The following ITGA3 variants were observed in gnomAD, a reference collection of about 807,000 sequenced individuals.
ITGA3 encodes the protein integrin subunit alpha 3, also known as integrin alpha-3.
ITGA3 carries 70 observed loss-of-function variants against 131.1 expected under a neutral mutation model. The observed-to-expected ratio is 0.53, with a 90% CI of 0.44 to 0.65. The LOEUF (loss-of-function observed/expected upper bound fraction) is 0.65. Among genes scored for constraint, ITGA3 ranks in the 30% least tolerant of loss-of-function variants. The pLI is 0.00. For synonymous variants in ITGA3, 537 were observed against 571.6 expected (o/e 0.94, Z 0.86); for missense variants, 1,098 against 1,388.6 (o/e 0.79, Z 3.33).
At chr17:50,068,399 T>C (rs1908436797) in intron 4 of ITGA3, 94 bp downstream of exon 4, 1 of 1,387,936 alleles carries the variant, frequency 7.2e-7, no homozygotes, top group Admixed American at 1.9e-5. Flanking sequence ...CCATCCACAC[T>C]AGAAACAGGA....
At chr17:50,084,596 G>T (rs933823972) in intron 23 of ITGA3, among the ~76,000 whole-genome samples, 2 of 151,980 alleles carry the variant, frequency 1.3e-5, no homozygotes, top group Non-Finnish European at 2.9e-5. Context: ...ACCAATTGAC[G>T]TGAAAAGATG....
intron 24 of ITGA3, 42 bp downstream of exon 24, chr17:50,087,911 C>A (rs1445172689): frequency 6.6e-7 from 1 of 1,515,486 alleles, no homozygotes; most frequent in Non-Finnish European, 8.9e-7. Context: ...CCTCCACCAG[C>A]ACACTCACCA....
chr17:50,081,942 G>A (rs2144310824), intron 23 of ITGA3, among the ~76,000 whole-genome samples: 1 of 152,312 alleles, frequency 6.6e-6, no homozygotes, highest in South Asian at 2.1e-4. Context: ...TGAGAACCTG[G>A]TGAGTATTGA....
At position 50,087,825 on chromosome 17, in the gene ITGA3, G is replaced by T. The variant is rs1033675412; in HGVS notation, c.3001G>T (p.Ala1001Ser). ...ELWLVLVAVG[A>S]GLLLLGLIIL... is the part of the protein sequence containing the mutation. The stretch of plus-strand genomic sequence containing the variant: ...GTGGCTGGTGCTGGTGGCCGTGGGT[G>T]CAGGGCTGCTGCTGCTGGGGCTGAT... The change falls in exon 24 of 26, where the codon GCA (alanine) becomes TCA (serine). Residue 1001 changes from alanine to serine, a missense_variant. Around this residue, in one of 3 missense-constraint regions of ITGA3, gnomAD observed 699 missense variants for 829.2 expected, o/e 0.84. Coordinates refer to ENST00000320031, the MANE Select transcript of ITGA3 (RefSeq NM_002204.4). 6.2e-7 allele frequency: 1 copy of T among 1,610,880 alleles called. No homozygotes were observed. Among genetic ancestry groups the T allele is most frequent in the Non-Finnish European group, 8.5e-7 (1 of 1,178,708 alleles).
In ITGA3 at chr17:50,079,574, A is replaced by G. The variant is rs1909090748; in HGVS notation, c.2706+17A>G. The stretch of plus-strand genomic sequence containing the variant: ...ACTGTGCTGGTGAGTGGCCAGGGCG[A>G]GGTTGGAGGGGATTGCATCCACCCC... On this transcript the variant is annotated intron_variant, in intron 21 of 25. Transcript: ENST00000320031. 6.6e-7 allele frequency: 1 copy of G among 1,509,318 alleles called. No homozygotes were observed. Among genetic ancestry groups the G allele is most frequent in the Non-Finnish European group, 8.9e-7 (1 of 1,128,776 alleles). The allele number at this position is 1,509,318 out of a possible 1,614,324, so 93.5% of individuals were successfully genotyped here.
intron 15 of ITGA3, 49 bp from the exon 16 acceptor site, chr17:50,077,330 C>A: frequency 6.5e-7 from 1 of 1,527,598 alleles, no homozygotes; most frequent in Non-Finnish European, 9.1e-7. Flanking sequence ...GGAGGGAGGA[C>A]AAGCCCTACT....
intron 14 of ITGA3, 146 bp from the exon 15 acceptor site, chr17:50,076,828 T>C (rs1356567076): frequency 1.7e-6 from 2 of 1,172,736 alleles, no homozygotes; most frequent in Admixed American, 3.9e-5. Flanking sequence ...AACGGGGCTT[T>C]CTCCTCCAGG....
intron 23 of ITGA3, 121 bp from the exon 24 acceptor site, chr17:50,087,623 C>A: frequency 8.6e-7 from 1 of 1,162,910 alleles, no homozygotes; most frequent in Non-Finnish European, 1.2e-6. Flanking sequence ...TTTCCAGTCC[C>A]AGGCTGCCCC....
chr17:50,081,060 C>G (rs1387319706), intron 22 of ITGA3: 1 of 495,336 alleles, frequency 2.0e-6, no homozygotes, highest in South Asian at 2.4e-5. Flanking sequence ...ACAGGCCTGA[C>G]CTAGACTGTG....
At chr17:50,085,134 A>C (rs1296474616) in intron 23 of ITGA3, among the ~76,000 whole-genome samples, 1 of 151,314 alleles carries the variant, frequency 6.6e-6, no homozygotes, top group Non-Finnish European at 1.5e-5. Context: ...CCCAGGACAC[A>C]GAGGTTGCAG....
intron 5 of ITGA3, 146 bp from the exon 6 acceptor site, chr17:50,071,165 A>T (rs1908609851): frequency 5.2e-6 from 4 of 774,140 alleles, no homozygotes; most frequent in Non-Finnish European, 8.4e-6. Flanking sequence ...GCTGCTGGCC[A>T]TCTGGAGTCT....
chr17:50,072,456 G>A (rs927782824), intron 7 of ITGA3, among the ~76,000 whole-genome samples: 29 of 152,054 alleles, frequency 1.9e-4, no homozygotes, highest in African/African-American at 6.8e-4. Context: ...GAACTGATGG[G>A]GCACAACATG....
chr17:50,056,408 C>T lies in ITGA3; in HGVS notation c.-32C>T. 1 of 1,429,250 alleles carries T rather than the reference C, an allele frequency of 7.0e-7. No individual in the cohort carries two copies. The highest frequency in any genetic ancestry group is 9.1e-7 in the Non-Finnish European group (1 of 1,093,870). The allele number at this position is 1,429,250 out of a possible 1,614,324, so 88.5% of individuals were successfully genotyped here. Reference sequence around the variant, plus strand: ...ACGCCCAGCTCCGCGCCCTCACGCGCTCTCGCCGGGACCCCGCTTCCGCTG... The same window carrying T: ...ACGCCCAGCTCCGCGCCCTCACGCGTTCTCGCCGGGACCCCGCTTCCGCTG... On this transcript the variant is annotated 5_prime_UTR_variant, in exon 1 of 26. Transcript: ENST00000320031. The surrounding 1 kb of genome is among the most constrained non-coding windows in gnomAD (Gnocchi z 5.6).
chr17:50,076,794 G>A (rs990235906), intron 14 of ITGA3, 113 bp downstream of exon 14: 2 of 1,205,022 alleles, frequency 1.7e-6, no homozygotes, highest in African/African-American at 1.5e-5. Context: ...CAGGGCTTTA[G>A]CGGGAACAGG....
At chr17:50,069,435 G>T (rs899587067) in intron 4 of ITGA3, among the ~76,000 whole-genome samples, 2 of 152,176 alleles carry the variant, frequency 1.3e-5, no homozygotes, top group African/African-American at 2.4e-5. Context: ...GAAAACTGAG[G>T]TGGGAGGATC....
intron 18 of ITGA3, 125 bp from the exon 19 acceptor site, chr17:50,078,699 C>T: frequency 3.0e-6 from 2 of 673,664 alleles, no homozygotes; most frequent in South Asian, 1.8e-5. Context: ...AAATGCAGAG[C>T]TGAGGTTTCT....
At chr17:50,076,926 T>A in intron 14 of ITGA3, 48 bp from the exon 15 acceptor site, 2 of 1,568,806 alleles carry the variant, frequency 1.3e-6, no homozygotes, top group Non-Finnish European at 8.7e-7. Context: ...GATCCGGGAG[T>A]GCCCTGGGGG....
chr17:50,057,436 G>A (rs1221223284), intron 1 of ITGA3, among the ~76,000 whole-genome samples: 3 of 152,238 alleles, frequency 2.0e-5, no homozygotes, highest in Non-Finnish European at 4.4e-5. Flanking sequence ...CAAGGAGGAG[G>A]GGAAGAGCTA....
chr17:50,077,032 C>T lies in ITGA3; in HGVS notation c.1981C>T (p.Arg661Trp), dbSNP rs754977468. ...LLLSINVTNT[R>W]TSERSGEDAH... ...CCTGAGCATCAACGTGACGAACACC[C>T]GGACCTCGGAGCGCTCCGGGGAGGA... is the stretch of plus-strand genomic sequence containing the variant. Residue 661 changes from arginine to tryptophan, a missense_variant, in exon 15 of 26, where the codon CGG (arginine) becomes TGG (tryptophan). Transcript: ENST00000320031. 7 of 1,610,692 alleles carry T rather than the reference C, an allele frequency of 4.3e-6. No homozygotes were observed. Among genetic ancestry groups the T allele is most frequent in the African/African-American group, 4.0e-5 (3 of 74,870 alleles).
Sources: allele counts gnomAD v4.1 joint callset (sites outside exome capture counted in the v4.1 genomes callset), GRCh38; gene constraint gnomAD v4.1.1; regional missense constraint gnomAD v4.1.1; non-coding constraint Gnocchi (gnomAD v3.1); transcripts MANE v1.5; gene names NCBI Gene and HGNC (gene_info 2026-07-23, HGNC 2026-07-21).